The following PCBP3 variants were observed in gnomAD, a reference collection of about 807,000 sequenced individuals.
PCBP3 encodes the protein poly(rC)-binding protein 3.
PCBP3 carries 25 observed loss-of-function variants against 52.7 expected under a neutral mutation model. The observed-to-expected ratio is 0.47, with a 90% confidence interval of 0.35 to 0.66. The LOEUF is 0.66. PCBP3 is among the 30% of genes least tolerant of loss of function. PCBP3 has a pLI of 0.01. For synonymous variants in PCBP3, 162 were observed against 183.0 expected, an observed-to-expected ratio of 0.89 and a Z score of 0.93; for missense variants, 391 against 490.3, an observed-to-expected ratio of 0.80 and a Z score of 1.91.
At chr21:45,933,037 C>G (rs1483041075) in intron 15 of PCBP3, among the ~76,000 whole-genome samples, 2 of 147,138 alleles carry the variant, frequency 1.4e-5, no homozygotes, top group South Asian at 4.3e-4. Flanking sequence ...ATGAACACAT[C>G]AGCCATGCCG....
chr21:45,789,991 A>T (rs957471504), intron 4 of PCBP3, among the ~76,000 whole-genome samples: 2 of 152,140 alleles, frequency 1.3e-5, no homozygotes, highest in Non-Finnish European at 2.9e-5. Context: ...TACAAAAAAA[A>T]TAGCCAGGTG....
At chr21:45,941,408 G>A (rs1479757308) in intron 17 of PCBP3, among the ~76,000 whole-genome samples, 1 of 152,214 alleles carries the variant, frequency 6.6e-6, no homozygotes, top group Non-Finnish European at 1.5e-5. Context: ...CCAGGGCTGT[G>A]TAGGGGGCTC....
At chr21:45,812,593 G>A (rs1356166620) in intron 4 of PCBP3, among the ~76,000 whole-genome samples, 1 of 152,164 alleles carries the variant, frequency 6.6e-6, no homozygotes, top group East Asian at 1.9e-4. Flanking sequence ...GTACAAACCG[G>A]GTTTCACCGT....
rs1166328376 is a variant in PCBP3, at chr21:45,880,894, G to A, written c.11-15314G>A. Among the ~76,000 whole-genome samples, 2 of 152,192 alleles carry A rather than the reference G, an allele frequency of 1.3e-5. No homozygotes were observed. The highest frequency in any genetic ancestry group is 2.4e-5 in the African/African-American group (1 of 41,448). Reference sequence around the variant, plus strand: ...GGCTCTGGACGGGAGGCTCAGGGCCGGGGTTAAACAGCACAGCAGTGGGAA... The same window carrying A: ...GGCTCTGGACGGGAGGCTCAGGGCCAGGGTTAAACAGCACAGCAGTGGGAA... On this transcript the variant is annotated intron_variant, in intron 5 of 17. Transcript: ENST00000681687. The surrounding 1 kb of genome is among the most constrained non-coding windows in gnomAD (Gnocchi z 5.4).
chr21:45,767,892 G>A (rs1190651376), intron 4 of PCBP3, among the ~76,000 whole-genome samples: 2 of 152,266 alleles, frequency 1.3e-5, no homozygotes, highest in Admixed American at 1.3e-4. Context: ...AGGGAGGGCT[G>A]TTAGAGGGGC....
intron 4 of PCBP3, among the ~76,000 whole-genome samples, chr21:45,822,948 C>G (rs1388075334): frequency 6.6e-6 from 1 of 152,182 alleles, no homozygotes; most frequent in Admixed American, 6.5e-5. Flanking sequence ...ATCGGGCACA[C>G]CCTGTCACTG....
At chr21:45,940,763 C>T (rs2077368718) in intron 17 of PCBP3, among the ~76,000 whole-genome samples, 1 of 150,462 alleles carries the variant, frequency 6.6e-6, no homozygotes, top group African/African-American at 2.5e-5. Flanking sequence ...CCCCGCCAGG[C>T]ATGCCGTACC....
chr21:45,761,009 C>T (rs2146570201), intron 4 of PCBP3: 1 of 152,230 alleles, frequency 6.6e-6, no homozygotes, highest in Admixed American at 6.6e-5. Context: ...ATCGCTTGAA[C>T]CTGGGAGGCG....
intron 4 of PCBP3, among the ~76,000 whole-genome samples, chr21:45,784,335 G>GCTCTACCTCTACCTCTACCTCTAC (rs1209477660): frequency 2.4e-4 from 25 of 105,778 alleles, no homozygotes; most frequent in Admixed American, 3.7e-4. Flanking sequence ...AATAGTGACA[G>GCTCTACCTCTACCTCTACCTCTAC]CTCTACCTCT....
chr21:45,800,474 G>A lies in PCBP3; in HGVS notation c.-126+45022G>A, dbSNP rs910610297. Among the ~76,000 whole-genome samples the A allele has an allele frequency of 4.6e-5, 7 of 152,198 alleles. No homozygotes were observed. Among genetic ancestry groups the A allele is most frequent in the Non-Finnish European group, 8.8e-5 (6 of 68,030 alleles). ...TGAGCCCAACTGGCTCCAAACAGGC[G>A]TGTTGTGGGCGTGTCCTGAGGTGTG... is the stretch of plus-strand genomic sequence containing the variant. On this transcript the variant is annotated intron_variant, in intron 4 of 17. Transcript: ENST00000681687. This position sits in a 1 kb window ranked among gnomAD's most constrained non-coding sequence, Gnocchi z 5.3.
rs1263421969 is a variant in PCBP3, at chr21:45,917,458, G to A, written c.676-130G>A. 40 of 718,884 alleles carry A rather than the reference G, an allele frequency of 5.6e-5. No homozygotes were observed. Among genetic ancestry groups the A allele is most frequent in the Non-Finnish European group, 8.8e-5 (36 of 410,368 alleles). 44.5% of individuals were successfully genotyped at this position (718,884 alleles called of 1,614,324 possible). A position where few individuals can be genotyped will look rare whatever the true frequency, so the allele number is the denominator to read the frequency against. On this transcript the variant is annotated intron_variant, in intron 12 of 17. Coordinates refer to ENST00000681687, the MANE Select transcript of PCBP3 (RefSeq NM_001384156.1). This position sits in a 1 kb window ranked among gnomAD's most constrained non-coding sequence, Gnocchi z 5.3. ...AGGGTTGGCCCTTTGTCCTAGGATG[G>A]GGACAGGTGGAGAGGCACACGAGGG...
intron 2 of PCBP3, among the ~76,000 whole-genome samples, chr21:45,682,246 G>A (rs1314534913): frequency 6.6e-6 from 1 of 152,090 alleles, no homozygotes; most frequent in Non-Finnish European, 1.5e-5. Context: ...GAACACCCAG[G>A]GAATTCACTA....
intron 1 of PCBP3, among the ~76,000 whole-genome samples, chr21:45,653,553 A>G (rs910338983): frequency 1.3e-5 from 2 of 152,232 alleles, no homozygotes; most frequent in African/African-American, 4.8e-5. Flanking sequence ...TAGCCATGCT[A>G]GATGTTTTAG....
chr21:45,657,114 C>T (rs2080073647), intron 1 of PCBP3, among the ~76,000 whole-genome samples: 1 of 152,186 alleles, frequency 6.6e-6, no homozygotes, highest in Non-Finnish European at 1.5e-5. Flanking sequence ...AACTACCGTG[C>T]CCAGCCTCAT....
At chr21:45,664,760 T>TCCCCCCC (rs2080673560) in intron 1 of PCBP3, among the ~76,000 whole-genome samples, 1 of 87,526 alleles carries the variant, frequency 1.1e-5, no homozygotes, top group Non-Finnish European at 2.2e-5. Flanking sequence ...ATGCTATCCC[T>TCCCCCCC]CCCCCCTCCC....
intron 3 of PCBP3, among the ~76,000 whole-genome samples, chr21:45,740,536 G>T (rs1327661754): frequency 1.3e-5 from 2 of 152,156 alleles, no homozygotes; most frequent in African/African-American, 4.8e-5. Context: ...TTGAAAGTTG[G>T]AAGGCAAATG....
rs986495371 is a variant in PCBP3 at position 45,928,283 on chromosome 21, C to G, written c.718-1634C>G. Among the ~76,000 whole-genome samples the G allele has an allele frequency of 6.6e-6, 1 of 152,204 alleles. No individual in the cohort carries two copies. The highest frequency in any genetic ancestry group is 2.4e-5 in the African/African-American group (1 of 41,444). On this transcript the variant is annotated intron_variant, in intron 13 of 17. Coordinates refer to ENST00000681687, the MANE Select transcript of PCBP3 (RefSeq NM_001384156.1). The surrounding 1 kb of genome is among the most constrained non-coding windows in gnomAD (Gnocchi z 4.1). ...ACACACATCCCCTCAGATAACCCGG[C>G]ACACCCGTTCACGTTACATCATGGG...
rs1247239474 is a variant in PCBP3 at position 45,693,772 on chromosome 21, C to T, written c.-200+24820C>T. On this transcript the variant is annotated intron_variant, in intron 2 of 17. Transcript: ENST00000681687. ...TTGAGACAGTCTGTCATAGACAGAC[C>T]TGCACTATAAGAATACTTTTAGCAA... 2.0e-5 allele frequency among the ~76,000 whole-genome samples: 3 copies of T among 151,992 alleles called. No homozygotes were observed. The East Asian group carries it at 5.8e-4, about 29-fold the overall frequency.
chr21:45,921,757 T>C (rs2074472985), intron 13 of PCBP3, among the ~76,000 whole-genome samples: 1 of 151,948 alleles, frequency 6.6e-6, no homozygotes, highest in Non-Finnish European at 1.5e-5. Context: ...AGGTGGAGGT[T>C]GCAGTGAGCC....
Sources: gnomAD v4.1 joint callset for allele counts (sites outside exome capture counted in the v4.1 genomes callset) on GRCh38, gnomAD v4.1.1 for gene constraint, Gnocchi (gnomAD v3.1) non-coding constraint, MANE v1.5 for transcripts, NCBI Gene and HGNC (gene_info 2026-07-23, HGNC 2026-07-21) for gene names.